RFX3: variants seen among roughly 807,000 people sequenced by gnomAD.
RFX3 encodes the protein transcription factor RFX3.
Under a neutral mutation model 98.6 loss-of-function variants are expected in RFX3, and 14 were observed. The observed-to-expected ratio is 0.14, with a 90% CI of 0.09 to 0.22. RFX3 has a LOEUF of 0.22. Ranked by LOEUF, RFX3 falls within the 10% of genes least tolerant of loss-of-function variation. The pLI, the probability that RFX3 is intolerant of heterozygous loss-of-function variation, is 1.00. For synonymous variants in RFX3, 383 were observed against 328.4 expected, an observed-to-expected ratio of 1.17 and a Z score of -1.80; for missense variants, 639 against 926.9, an observed-to-expected ratio of 0.69 and a Z score of 4.03.
intron 4 of RFX3, among the ~76,000 whole-genome samples, chr9:3,316,300 A>G (rs1169982833): frequency 6.6e-6 from 1 of 152,244 alleles, no homozygotes. Context: ...ATAGATGCAG[A>G]AAACGCCTTT....
intron 4 of RFX3, among the ~76,000 whole-genome samples, chr9:3,305,053 C>T (rs952086014): frequency 6.6e-6 from 1 of 152,062 alleles, no homozygotes; most frequent in Admixed American, 6.6e-5. Context: ...GAATTCAAAA[C>T]CCATGTATTA....
chr9:3,452,942 G>A (rs565634451), intron 1 of RFX3, among the ~76,000 whole-genome samples: 56 of 152,206 alleles, frequency 3.7e-4, no homozygotes, highest in Non-Finnish European at 6.2e-4. Context: ...CAAATCAGCC[G>A]TCTCAAAATA....
In RFX3 at chr9:3,425,075, A is replaced by G. The variant is rs192277832; in HGVS notation, c.-8-29479T>C. 1.7e-3 allele frequency among the ~76,000 whole-genome samples: 253 copies of G among 152,246 alleles called. 2 individuals carry two copies. Among genetic ancestry groups the G allele is most frequent in the African/African-American group, 5.8e-3 (241 of 41,548 alleles). ...AAAACCCTGTCTCTACAAAAAATCT[A>G]AAAATTTTAAAACTTAGCCAGGCAT... On this transcript the variant is annotated intron_variant, in intron 1 of 16. Coordinates refer to ENST00000617270, the MANE Select transcript of RFX3 (RefSeq NM_001282116.2).
intron 15 of RFX3, chr9:3,247,505 C>T (rs1232695533): frequency 1.3e-6 from 1 of 762,528 alleles, no homozygotes; most frequent in African/African-American, 1.9e-5. Context: ...ATCTCAAAGA[C>T]TTGCATTAAG....
intron 7 of RFX3, 29 bp from the exon 8 acceptor site, chr9:3,277,490 T>C: frequency 2.5e-6 from 4 of 1,600,134 alleles, no homozygotes; most frequent in Non-Finnish European, 3.4e-6. Context: ...AAAAAACAAA[T>C]AAACCAAATT....
chr9:3,248,360 T>A (rs940934697), intron 14 of RFX3, among the ~76,000 whole-genome samples, 175 bp from the exon 15 acceptor site: 1 of 152,176 alleles, frequency 6.6e-6, no homozygotes, highest in African/African-American at 2.4e-5. Flanking sequence ...TTAAATAGAA[T>A]GATAAAGAGG....
intron 3 of RFX3, among the ~76,000 whole-genome samples, chr9:3,342,567 A>G (rs986487809): frequency 6.6e-6 from 1 of 152,210 alleles, no homozygotes; most frequent in African/African-American, 2.4e-5. Flanking sequence ...TGACCATAAT[A>G]CAGCATGATG....
intron 2 of RFX3, among the ~76,000 whole-genome samples, chr9:3,359,138 C>A (rs962135196): frequency 6.6e-6 from 1 of 151,506 alleles, no homozygotes; most frequent in African/African-American, 2.4e-5. Context: ...ATTGGGCATA[C>A]CGCTTGCAAT....
At chr9:3,323,651 T>C (rs952929714) in intron 4 of RFX3, among the ~76,000 whole-genome samples, 8 of 152,218 alleles carry the variant, frequency 5.3e-5, no homozygotes, top group Admixed American at 3.3e-4. Context: ...TCTAGCTTTT[T>C]CTGGCATGTT....
chr9:3,262,375 C>A (rs945725046), intron 13 of RFX3, among the ~76,000 whole-genome samples: 1 of 151,984 alleles, frequency 6.6e-6, no homozygotes, highest in African/African-American at 2.4e-5. Context: ...TTTGAACTAC[C>A]ACAATAGTTG....
intron 1 of RFX3, chr9:3,420,931 T>A (rs1843386138): frequency 1.0e-6 from 1 of 984,210 alleles, no homozygotes; most frequent in Non-Finnish European, 1.2e-6. Flanking sequence ...ATCTTTCTCA[T>A]CTGTAAAGTT....
intron 2 of RFX3, among the ~76,000 whole-genome samples, chr9:3,355,922 T>C (rs959111237): frequency 3.3e-5 from 5 of 152,028 alleles, no homozygotes; most frequent in Non-Finnish European, 7.4e-5. Flanking sequence ...AACAATATAC[T>C]TATTAATATA....
rs185524297 is a variant in RFX3 at position 3,293,362 on chromosome 9, T to C, written c.550-104A>G. The C allele has an allele frequency of 3.4e-5, 28 of 820,560 alleles. No individual in the cohort carries two copies. The African/African-American group carries it at 4.7e-4, about 14-fold the overall frequency. 50.8% of individuals were successfully genotyped at this position (820,560 alleles called of 1,614,324 possible). A position where few individuals can be genotyped will look rare whatever the true frequency, so the allele number is the denominator to read the frequency against. On this transcript the variant is annotated intron_variant, in intron 5 of 16. Transcript: ENST00000617270. ...TACAGAAATACTTAGAAGTTCTTCATCAAGTCTTATGATAGAGTAAACTGC... is the reference window on the plus strand; with the variant it reads ...TACAGAAATACTTAGAAGTTCTTCACCAAGTCTTATGATAGAGTAAACTGC...
intron 7 of RFX3, among the ~76,000 whole-genome samples, chr9:3,284,622 T>C (rs1036179635): frequency 3.3e-5 from 5 of 151,684 alleles, no homozygotes; most frequent in African/African-American, 1.2e-4. Flanking sequence ...ATATTTGAAA[T>C]ATTTACTGGA....
intron 4 of RFX3, among the ~76,000 whole-genome samples, chr9:3,305,636 G>C (rs899841680): frequency 1.3e-5 from 2 of 151,908 alleles, no homozygotes; most frequent in African/African-American, 2.4e-5. Context: ...GATTCCAAAT[G>C]GATTACTAAT....
intron 4 of RFX3, among the ~76,000 whole-genome samples, chr9:3,314,215 AT>A (rs1190236327): frequency 6.6e-6 from 1 of 152,230 alleles, no homozygotes; most frequent in Non-Finnish European, 1.5e-5. Flanking sequence ...GGGGGCCAAT[AT>A]TTAACATTCT....
chr9:3,415,658 TAC>T (rs1342029679), intron 1 of RFX3, among the ~76,000 whole-genome samples: 2 of 152,186 alleles, frequency 1.3e-5, no homozygotes, highest in African/African-American at 4.8e-5. Flanking sequence ...TTCTTCTCTG[TAC>T]ACAGTCTCCC....
At chr9:3,447,006 C>A (rs944311398) in intron 1 of RFX3, among the ~76,000 whole-genome samples, 3 of 152,042 alleles carry the variant, frequency 2.0e-5, no homozygotes, top group Non-Finnish European at 4.4e-5. Context: ...TGGGTGACAA[C>A]AAAGCATTAC....
chr9:3,246,299 A>G (rs1401239080), intron 15 of RFX3, among the ~76,000 whole-genome samples: 1 of 152,072 alleles, frequency 6.6e-6, no homozygotes, highest in African/African-American at 2.4e-5. Flanking sequence ...AGTAAAAAAA[A>G]AAAGAATAAC....
Sources: gnomAD v4.1 joint callset for allele counts (sites outside exome capture counted in the v4.1 genomes callset) on GRCh38, gnomAD v4.1.1 for gene constraint, MANE v1.5 for transcripts, NCBI Gene and HGNC (gene_info 2026-07-23, HGNC 2026-07-21) for gene names.